GATA4: variants seen among roughly 807,000 people sequenced by gnomAD.
GATA4 encodes transcription factor GATA-4.
In GATA4, 7 loss-of-function variants were observed where a neutral mutation model predicts 37.9. The ratio of observed to expected loss-of-function variants is 0.18; its 90% CI spans 0.11 to 0.35. The LOEUF is 0.35. GATA4 is among the 10% of genes least tolerant of loss of function. The probability of loss-of-function intolerance (pLI) is 1.00; values close to 1 mark genes in which losing one functional copy is unlikely to be tolerated. For synonymous variants in GATA4, 372 were observed against 292.6 expected (o/e 1.27, Z -2.77); for missense variants, 647 against 653.0 (o/e 0.99, Z 0.10).
chr8:11,736,902 C>CA (rs1481637341), intron 2 of GATA4, among the ~76,000 whole-genome samples: 2 of 152,082 alleles, frequency 1.3e-5, no homozygotes, highest in African/African-American at 4.8e-5. Flanking sequence ...TGTGTGCTGC[C>CA]CAGGTCCACG....
At chr8:11,711,201 T>C (rs1351699525) in intron 2 of GATA4, among the ~76,000 whole-genome samples, 1 of 152,242 alleles carries the variant, frequency 6.6e-6, no homozygotes, top group African/African-American at 2.4e-5. Flanking sequence ...GATGAAGTGA[T>C]GTTTCCCAAA....
In GATA4 at chr8:11,726,984, A is replaced by G. The variant is rs149732310; in HGVS notation, c.616+18056A>G. On this transcript the variant is annotated intron_variant, in intron 2 of 6. Coordinates refer to ENST00000532059, the MANE Select transcript of GATA4 (RefSeq NM_001308093.3). Reference sequence around the variant, plus strand: ...CCTCAGCCCACTGTTTTTCCCTCCAACTCACTTTGTGTAGATTCTCCATGA... The same window carrying G: ...CCTCAGCCCACTGTTTTTCCCTCCAGCTCACTTTGTGTAGATTCTCCATGA... 2.0e-4 allele frequency among the ~76,000 whole-genome samples: 30 copies of G among 151,166 alleles called. No homozygotes were observed. In the East Asian group the frequency reaches 5.5e-3, roughly 28 times the overall value.
In GATA4 at chr8:11,692,798, G is replaced by T. The variant is rs1192920104; in HGVS notation, c.-729+138G>T. 3 of 982,598 alleles carry T rather than the reference G, an allele frequency of 3.1e-6. No individual in the cohort carries two copies. In the East Asian group the frequency reaches 3.4e-4, roughly 112 times the overall value. 60.9% of individuals were successfully genotyped at this position (982,598 alleles called of 1,614,324 possible). Reference sequence around the variant, plus strand: ...CGAGGCTGCCGAGGGGAGGAAGCGGGGCCGGCGCAGCGGGCGCCAGGCCGG... The same window carrying T: ...CGAGGCTGCCGAGGGGAGGAAGCGGTGCCGGCGCAGCGGGCGCCAGGCCGG... On this transcript the variant is annotated intron_variant, in intron 1 of 2. Transcript: ENST00000526974.
chr8:11,686,087 G>C (rs1403347044), intron 1 of GATA4, among the ~76,000 whole-genome samples: 1 of 152,216 alleles, frequency 6.6e-6, no homozygotes, highest in Non-Finnish European at 1.5e-5. Context: ...GAAACAAGTA[G>C]CAGATGCCTT....
chr8:11,737,940 G>T (rs895717149), intron 2 of GATA4, among the ~76,000 whole-genome samples: 7 of 152,038 alleles, frequency 4.6e-5, no homozygotes, highest in African/African-American at 1.7e-4. Flanking sequence ...CAGTGCTTTG[G>T]GAGCCCGAGC....
At chr8:11,742,818 G>A (rs536494716) in intron 2 of GATA4, among the ~76,000 whole-genome samples, 430 of 152,368 alleles carry the variant, frequency 2.8e-3, no homozygotes, top group Middle Eastern at 0.017. Context: ...GGCCTGTCGG[G>A]AAATCCAGGC....
intron 2 of GATA4, among the ~76,000 whole-genome samples, chr8:11,729,414 A>C (rs1801096550): frequency 6.6e-6 from 1 of 151,436 alleles, no homozygotes; most frequent in Non-Finnish European, 1.5e-5. Flanking sequence ...TTAAAAATAC[A>C]AAAAATTAGC....
At chr8:11,755,187 G>A (rs1802494348) in intron 5 of GATA4, 54 bp downstream of exon 5, 2 of 1,478,096 alleles carry the variant, frequency 1.4e-6, no homozygotes, top group Admixed American at 3.4e-5. Context: ...CCCTCAGAGT[G>A]CCTAAGAATC....
chr8:11,753,989 A>C (rs1481097778), intron 4 of GATA4, among the ~76,000 whole-genome samples: 1 of 152,184 alleles, frequency 6.6e-6, no homozygotes, highest in Non-Finnish European at 1.5e-5. Context: ...CTCCCAACAG[A>C]ACTGTGGTCA....
Position 11,758,836 on chromosome 8 carries a change from G to A in GATA4, c.*361G>A. 2.9e-6 allele frequency: 1 copy of A among 348,704 alleles called. No individual in the cohort carries two copies. 21.6% of individuals were successfully genotyped at this position (348,704 alleles called of 1,614,324 possible). On this transcript the variant is annotated 3_prime_UTR_variant, in exon 7 of 7. Coordinates refer to ENST00000532059, the MANE Select transcript of GATA4 (RefSeq NM_001308093.3). ...CACCGAGGATCTGAGAACAAGCGGA[G>A]GGCCGGGCCCTGGGACCCCTGCTCC...
chr8:11,755,740 A>C (rs1489072256), intron 5 of GATA4, among the ~76,000 whole-genome samples: 1 of 152,252 alleles, frequency 6.6e-6, no homozygotes, highest in Non-Finnish European at 1.5e-5. Context: ...ATGGGTAGAG[A>C]ATTAAAACCC....
intron 1 of GATA4, chr8:11,697,929 T>G: frequency 5.1e-6 from 5 of 985,484 alleles, no homozygotes; most frequent in Non-Finnish European, 6.0e-6. Context: ...TCCCCTGATG[T>G]GCGCGTTGAG....
At chr8:11,697,546 T>G in intron 1 of GATA4, 1 of 984,882 alleles carries the variant, frequency 1.0e-6, no homozygotes, top group Non-Finnish European at 1.2e-6. Context: ...GGAGGCCACT[T>G]TCCCCTCCAC....
At chr8:11,735,582 G>A (rs1485565375) in intron 2 of GATA4, among the ~76,000 whole-genome samples, 1 of 152,122 alleles carries the variant, frequency 6.6e-6, no homozygotes, top group Non-Finnish European at 1.5e-5. Flanking sequence ...TCTTTTTTGA[G>A]ACGGAGTTTT....
Position 11,750,316 on chromosome 8 carries a change from A to G in GATA4, c.912+80A>G, listed in dbSNP as rs1802241028. On this transcript the variant is annotated intron_variant, in intron 4 of 6. Transcript: ENST00000532059. ...GTCCTCCCTTGTCTTCTTCCTTTGT[A>G]CTAGCATTCATTTTTCCTTCTTAAC... The G allele has an allele frequency of 5.7e-6, 9 of 1,574,148 alleles. No homozygotes were observed. The South Asian group carries it at 6.7e-5, about 12-fold the overall frequency.
At chr8:11,721,960 T>G (rs537668559) in intron 2 of GATA4, among the ~76,000 whole-genome samples, 20 of 152,342 alleles carry the variant, frequency 1.3e-4, no homozygotes, top group African/African-American at 4.3e-4. Context: ...CCTCTCTCAC[T>G]TTGATCCATC....
At chr8:11,683,229 G>C in intron 1 of GATA4, 1 of 708,408 alleles carries the variant, frequency 1.4e-6, no homozygotes, top group Non-Finnish European at 1.7e-6. Context: ...GAGCGGGGGA[G>C]GACGGAGGGA....
At chr8:11,697,065 C>T (rs1006590955) in intron 1 of GATA4, among the ~76,000 whole-genome samples, 1 of 152,204 alleles carries the variant, frequency 6.6e-6, no homozygotes, top group African/African-American at 2.4e-5. Flanking sequence ...TGAGTGACAT[C>T]CTGCCAGTGC....
intron 2 of GATA4, among the ~76,000 whole-genome samples, chr8:11,728,394 G>T (rs1003725539): frequency 2.0e-5 from 3 of 152,250 alleles, no homozygotes; most frequent in Admixed American, 6.5e-5. Context: ...TTTGAAACAG[G>T]GTTTTGCTCT....
Sources: gnomAD v4.1 joint callset for allele counts (sites outside exome capture counted in the v4.1 genomes callset) on GRCh38, gnomAD v4.1.1 for gene constraint, MANE v1.5 for transcripts, NCBI Gene and HGNC (gene_info 2026-07-23, HGNC 2026-07-21) for gene names.